Variants in CA1 observed in about 807,000 individuals in gnomAD.
The protein encoded by CA1 is carbonate dehydratase I.
Under a neutral mutation model 28.8 loss-of-function variants are expected in CA1, and 27 were observed. That is an observed-to-expected ratio of 0.94 (90% confidence interval 0.69 to 1.29). The LOEUF (loss-of-function observed/expected upper bound fraction) is 1.29, where lower values mean the gene tolerates loss of function less well. Ranked by LOEUF, CA1 falls within the 50% of genes most tolerant of loss-of-function variation. The pLI is 0.00. For synonymous variants in CA1, 121 were observed against 108.8 expected (o/e 1.11, Z -0.70); for missense variants, 335 against 310.5 (o/e 1.08, Z -0.59).
chr8:85,376,623 C>T lies in CA1; in HGVS notation c.-25+1423G>A, dbSNP rs574998707. Among the ~76,000 whole-genome samples, 17 of 151,554 alleles carry T rather than the reference C, an allele frequency of 1.1e-4. No homozygotes were observed. In the East Asian group the frequency reaches 3.3e-3, roughly 29 times the overall value. On this transcript the variant is annotated intron_variant, in intron 1 of 7. Coordinates refer to ENST00000523022, the MANE Select transcript of CA1 (RefSeq NM_001128831.4). ...GTTACAGTGAGCTGAGATCACACCA[C>T]TGCACTCCAGCCTGGTGACAGAGAA...
At chr8:85,362,188 G>A (rs1809824343) in intron 1 of CA1, among the ~76,000 whole-genome samples, 1 of 152,134 alleles carries the variant, frequency 6.6e-6, no homozygotes, top group Non-Finnish European at 1.5e-5. Context: ...CTCAAAGCGA[G>A]CAGTATAAAA....
At chr8:85,332,851 A>T (rs1416434685) in intron 5 of CA1, among the ~76,000 whole-genome samples, 1 of 152,192 alleles carries the variant, frequency 6.6e-6, no homozygotes, top group Non-Finnish European at 1.5e-5. Context: ...AAACTGACAC[A>T]AAAACAAATC....
intron 1 of CA1, chr8:85,341,898 T>C: frequency 2.7e-6 from 1 of 365,590 alleles, no homozygotes; most frequent in South Asian, 4.1e-5. Context: ...AATTATCAGA[T>C]CCTAGATTTT....
chr8:85,337,300 G>A (rs1808702559), intron 3 of CA1: 2 of 503,276 alleles, frequency 4.0e-6, no homozygotes, highest in Non-Finnish European at 3.6e-6. Context: ...CCAGCCACAC[G>A]AGCTACAATT....
At chr8:85,349,503 C>T (rs1024792814) in intron 1 of CA1, among the ~76,000 whole-genome samples, 3 of 152,136 alleles carry the variant, frequency 2.0e-5, no homozygotes, top group Non-Finnish European at 2.9e-5. Context: ...AAACTATTAC[C>T]TCACAACAGT....
intron 2 of CA1, among the ~76,000 whole-genome samples, chr8:85,339,907 G>T (rs1035464213): frequency 3.9e-5 from 6 of 152,210 alleles, no homozygotes; most frequent in East Asian, 1.9e-4. Context: ...AGGCAAAGAA[G>T]CTGCAGAAGA....
At chr8:85,336,715 G>A (rs1321125233) in intron 4 of CA1, among the ~76,000 whole-genome samples, 1 of 152,138 alleles carries the variant, frequency 6.6e-6, no homozygotes, top group Non-Finnish European at 1.5e-5. Flanking sequence ...GCATTCTCAG[G>A]GAAAGGTGAA....
intron 1 of CA1, among the ~76,000 whole-genome samples, chr8:85,362,717 A>AG (rs1300774256): frequency 5.9e-5 from 9 of 152,202 alleles, no homozygotes; most frequent in Admixed American, 5.9e-4. Context: ...TAGTTTCATT[A>AG]CTAAAGCATA....
At chr8:85,337,808 C>A (rs1032853223) in intron 3 of CA1, among the ~76,000 whole-genome samples, 1 of 152,276 alleles carries the variant, frequency 6.6e-6, no homozygotes, top group South Asian at 2.1e-4. Flanking sequence ...AACTCTGTAG[C>A]AAAATTTGTT....
chr8:85,343,216 T>C (rs1808998180), intron 1 of CA1: 1 of 151,918 alleles, frequency 6.6e-6, no homozygotes, highest in Non-Finnish European at 1.5e-5. Context: ...CACATAGTGA[T>C]ACTCTGTTTC....
At chr8:85,343,710 G>A (rs1809018653) in intron 1 of CA1, among the ~76,000 whole-genome samples, 2 of 152,086 alleles carry the variant, frequency 1.3e-5, no homozygotes, top group Admixed American at 1.3e-4. Flanking sequence ...ACATCCATAT[G>A]GAATGGCAAT....
chr8:85,335,521 G>A (rs754777743), intron 4 of CA1, among the ~76,000 whole-genome samples: 2 of 152,054 alleles, frequency 1.3e-5, no homozygotes, highest in Non-Finnish European at 2.9e-5. Context: ...CAGTCAGCTG[G>A]GTACTTGCAT....
In CA1 at chr8:85,344,336, G is replaced by T. The variant is rs554639664; in HGVS notation, c.-24-2677C>A. On this transcript the variant is annotated intron_variant, in intron 1 of 7. Coordinates refer to ENST00000523022, the MANE Select transcript of CA1 (RefSeq NM_001128831.4). ...TTATACAGTATATAATATATAATTT[G>T]AATTTATACATATATTATGTATATT... Among the ~76,000 whole-genome samples, 638 of 115,834 alleles carry T rather than the reference G, an allele frequency of 5.5e-3. 15 individuals carry two copies. Among genetic ancestry groups the T allele is most frequent in the African/African-American group, 0.019 (591 of 31,470 alleles). 76.0% of individuals were successfully genotyped at this position (115,834 alleles called of 152,430 possible).
intron 6 of CA1, among the ~76,000 whole-genome samples, chr8:85,330,119 A>T (rs886924576): frequency 6.6e-6 from 1 of 152,130 alleles, no homozygotes; most frequent in African/African-American, 2.4e-5. Flanking sequence ...AAGATTCAAA[A>T]ATCTTTTTTA....
chr8:85,335,906 G>C (rs1424702655), intron 4 of CA1, among the ~76,000 whole-genome samples: 1 of 152,122 alleles, frequency 6.6e-6, no homozygotes, highest in East Asian at 1.9e-4. Context: ...TGTTCTATCA[G>C]AATAGAAGAT....
rs758858882 is a variant in CA1 at position 85,341,625 on chromosome 8, G to T, written c.11C>A (p.Pro4Gln). Residue 4 changes from proline to glutamine, a missense_variant, in exon 2 of 8, where the codon CCA (proline) becomes CAA (glutamine). Pro to Gln is a moderately conservative substitution (Grantham distance 76, BLOSUM62 -1). Transcript: ENST00000523022. MAS[P>Q]DWGYDDKNGP... The stretch of plus-strand genomic sequence containing the variant: ...ATTTTTGTCATCATATCCCCAGTCT[G>T]GACTTGCCATTATCTTCTACTGAGT... 6.3e-7 allele frequency: 1 copy of T among 1,596,320 alleles called. No homozygotes were observed. The highest frequency in any genetic ancestry group is 8.6e-7 in the Non-Finnish European group (1 of 1,164,232).
chr8:85,341,572 G>A (rs770541944), intron 2 of CA1, 27 bp downstream of exon 2: 45 of 1,384,530 alleles, frequency 3.3e-5, no homozygotes, highest in South Asian at 5.8e-5. Context: ...TTATCATTTT[G>A]ATCTATATAA....
chr8:85,376,530 C>A (rs1046874645), intron 1 of CA1, among the ~76,000 whole-genome samples: 2 of 151,452 alleles, frequency 1.3e-5, no homozygotes, highest in Admixed American at 6.6e-5. Flanking sequence ...GGCGTGGTGG[C>A]ACATGCCTGT....
chr8:85,332,454 G>C, intron 6 of CA1, 36 bp downstream of exon 6: 2 of 1,480,554 alleles, frequency 1.4e-6, no homozygotes, highest in Non-Finnish European at 1.9e-6. Context: ...GTAAATTCTT[G>C]TTCTCTGATT....
Sources: allele counts gnomAD v4.1 joint callset (sites outside exome capture counted in the v4.1 genomes callset), GRCh38; gene constraint gnomAD v4.1.1; transcripts MANE v1.5; gene names NCBI Gene and HGNC (gene_info 2026-07-23, HGNC 2026-07-21).